The following IDE variants were observed in gnomAD, a reference collection of about 807,000 sequenced individuals.
The protein encoded by IDE is insulin degrading enzyme, also known as insulin-degrading enzyme.
In IDE, 58 loss-of-function variants were observed where a neutral mutation model predicts 133.2. That is an observed-to-expected ratio of 0.44 (90% confidence interval 0.35 to 0.54). The LOEUF (loss-of-function observed/expected upper bound fraction) is 0.54, where lower values mean the gene tolerates loss of function less well. Among genes scored for constraint, IDE ranks in the 20% least tolerant of loss-of-function variants. The pLI, the probability that IDE is intolerant of heterozygous loss-of-function variation, is 0.00. For synonymous variants in IDE, 396 were observed against 421.3 expected (o/e 0.94, Z 0.73); for missense variants, 981 against 1,234.0 (o/e 0.79, Z 3.07).
chr10:92,548,395 G>T (rs950253966), intron 1 of IDE, among the ~76,000 whole-genome samples: 1 of 128,262 alleles, frequency 7.8e-6, no homozygotes, highest in Non-Finnish European at 1.6e-5. Context: ...AAAAGAGTCA[G>T]ATGAAATGTA....
intron 1 of IDE, among the ~76,000 whole-genome samples, chr10:92,561,174 T>A (rs1330230274): frequency 6.6e-6 from 1 of 151,716 alleles, no homozygotes; most frequent in Non-Finnish European, 1.5e-5. Context: ...GAGAATCACT[T>A]CAACCTGGGA....
At chr10:92,571,561 G>A (rs773042348) in intron 1 of IDE, among the ~76,000 whole-genome samples, 1 of 152,144 alleles carries the variant, frequency 6.6e-6, no homozygotes, top group Non-Finnish European at 1.5e-5. Flanking sequence ...CCAGGGAATG[G>A]GCTATTATCT....
intron 1 of IDE, among the ~76,000 whole-genome samples, chr10:92,554,082 A>G (rs1842906261): frequency 6.6e-6 from 1 of 152,224 alleles, no homozygotes; most frequent in Admixed American, 6.5e-5. Context: ...CCCTCAACAA[A>G]ATACTAGCAA....
At chr10:92,498,345 G>T (rs189362360) in intron 11 of IDE, among the ~76,000 whole-genome samples, 1 of 151,724 alleles carries the variant, frequency 6.6e-6, no homozygotes, top group East Asian at 1.9e-4. Flanking sequence ...TAGTGAGGCC[G>T]GGTATGGGGG....
intron 11 of IDE, among the ~76,000 whole-genome samples, chr10:92,493,559 C>T (rs1436937729): frequency 6.7e-6 from 1 of 149,442 alleles, no homozygotes; most frequent in Admixed American, 6.7e-5. Context: ...AGAAAGCAGA[C>T]ACTCAGGCTG....
At chr10:92,527,526 G>A (rs1849691744) in intron 4 of IDE, among the ~76,000 whole-genome samples, 1 of 151,794 alleles carries the variant, frequency 6.6e-6, no homozygotes, top group African/African-American at 2.4e-5. Context: ...AGAAATTTGG[G>A]GCATATTTAC....
chr10:92,490,633 C>T (rs1847287741), intron 11 of IDE, 38 bp from the exon 12 acceptor site: 10 of 1,189,016 alleles, frequency 8.4e-6, no homozygotes, highest in Non-Finnish European at 1.2e-5. Flanking sequence ...ACCCTGTAAA[C>T]TCATACTGTA....
intron 22 of IDE, among the ~76,000 whole-genome samples, chr10:92,460,781 C>T (rs1845337094): frequency 6.6e-6 from 1 of 152,190 alleles, no homozygotes; most frequent in African/African-American, 2.4e-5. Flanking sequence ...CACAAAAACA[C>T]CTTCATAAAT....
chr10:92,483,389 A>T, intron 13 of IDE, 52 bp from the exon 14 acceptor site: 1 of 951,566 alleles, frequency 1.1e-6, no homozygotes, highest in East Asian at 2.4e-5. Flanking sequence ...TTCAGCAAAA[A>T]TGTTCAATCA....
At chr10:92,526,993 C>A (rs1464248483) in intron 4 of IDE, among the ~76,000 whole-genome samples, 2 of 151,932 alleles carry the variant, frequency 1.3e-5, no homozygotes, top group African/African-American at 2.4e-5. Context: ...CTTTTTGTGT[C>A]TCTTTTGAAC....
At chr10:92,526,823 G>C (rs111430258) in intron 4 of IDE, among the ~76,000 whole-genome samples, 12,162 of 143,896 alleles carry the variant, frequency 0.085, 631 homozygotes, top group South Asian at 0.17. Context: ...TCCAGCCTGG[G>C]CAACAGGGTG....
Position 92,465,804 on chromosome 10 carries a change from T to C in IDE, c.2360A>G (p.Asn787Ser), listed in dbSNP as rs531759698. Residue 787 changes from asparagine (N) to serine (S), a missense_variant, in exon 20 of 25, where the codon AAT (asparagine) becomes AGT (serine). Asn to Ser is a conservative substitution (Grantham distance 46). Transcript: ENST00000265986. ...GTAGTATATCTCGATGCCACAGTTA[T>C]TGTGAACTTCATTTCTCTGCTGATA... is the stretch of plus-strand genomic sequence containing the variant. ...FVYQQRNEVHNNCGIEIYYQT... is the reference protein window; with the variant it reads ...FVYQQRNEVHSNCGIEIYYQT... 18 of 1,614,096 alleles carry C rather than the reference T, an allele frequency of 1.1e-5. No individual in the cohort carries two copies. Among genetic ancestry groups the C allele is most frequent in the Middle Eastern group, 1.6e-4 (1 of 6,062 alleles).
At position 92,460,787 on chromosome 10, in the gene IDE, T is replaced by C. The variant is rs574623477; in HGVS notation, c.2823+404A>G. On this transcript the variant is annotated intron_variant, in intron 22 of 24. Transcript: ENST00000265986. The stretch of plus-strand genomic sequence containing the variant: ...ACTCAAATCCACAAAAACACCTTCA[T>C]AAATCCAGCCTGAATGGCTTCAAAG... Among the ~76,000 whole-genome samples the C allele has an allele frequency of 5.3e-5, 8 of 152,320 alleles. No individual in the cohort carries two copies. In the East Asian group the frequency reaches 1.5e-3, roughly 29 times the overall value.
intron 1 of IDE, among the ~76,000 whole-genome samples, chr10:92,549,842 G>C (rs1282261607): frequency 6.6e-6 from 1 of 152,092 alleles, no homozygotes; most frequent in Admixed American, 6.6e-5. Flanking sequence ...AAATAGAAGA[G>C]CTAGGATTCA....
At chr10:92,461,344 C>T (rs1845379992) in intron 21 of IDE, 92 bp from the exon 22 acceptor site, 1 of 612,490 alleles carries the variant, frequency 1.6e-6, no homozygotes, top group Non-Finnish European at 2.9e-6. Flanking sequence ...CACTCCAAGA[C>T]TCTTAAGTAT....
intron 11 of IDE, among the ~76,000 whole-genome samples, chr10:92,500,341 GA>G (rs1296926483): frequency 6.6e-6 from 1 of 150,582 alleles, no homozygotes; most frequent in East Asian, 1.9e-4. Flanking sequence ...AATGCATAAA[GA>G]AAATATGGTA....
rs1844956868 is a variant in IDE, at chr10:92,455,593, C to T, written c.2947G>A (p.Ala983Thr). ...PCQNDINLSQ[A>T]PALPQPEVIQ... ...TTTCTTACTTGTGGCAAGGCTGGTG[C>T]TTGTGACAAATTTATGTCATTTTGA... Residue 983 changes from alanine to threonine, a missense_variant, in exon 24 of 25, where the codon GCA (alanine) becomes ACA (threonine). Ala to Thr is a moderately conservative substitution (Grantham distance 58). Around this residue, in one of 2 missense-constraint regions of IDE, gnomAD observed 660 missense variants for 894.7 expected, o/e 0.74. Coordinates refer to ENST00000265986, the MANE Select transcript of IDE (RefSeq NM_004969.4). The T allele has an allele frequency of 1.3e-6, 2 of 1,596,774 alleles. No homozygotes were observed. The highest frequency in any genetic ancestry group is 1.7e-6 in the Non-Finnish European group (2 of 1,164,446).
chr10:92,538,725 T>C (rs977242048), intron 1 of IDE, among the ~76,000 whole-genome samples: 38 of 152,002 alleles, frequency 2.5e-4, no homozygotes, highest in Non-Finnish European at 5.9e-5. Context: ...ACGCATGTTT[T>C]TTGAGAGTAG....
chr10:92,504,010 G>A (rs1848166881), intron 11 of IDE, among the ~76,000 whole-genome samples: 1 of 128,206 alleles, frequency 7.8e-6, no homozygotes, highest in Admixed American at 8.6e-5. Flanking sequence ...GAGCCACCGC[G>A]CCCAGCCCAA....
Sources: gnomAD v4.1 joint callset for allele counts (sites outside exome capture counted in the v4.1 genomes callset) on GRCh38, gnomAD v4.1.1 for gene constraint, gnomAD v4.1.1 regional missense constraint, MANE v1.5 for transcripts, NCBI Gene and HGNC (gene_info 2026-07-23, HGNC 2026-07-21) for gene names.